TEX15: variants seen among roughly 807,000 people sequenced by gnomAD.
TEX15 encodes testis-expressed protein 15.
TEX15 carries 171 observed loss-of-function variants against 237.3 expected under a neutral mutation model. That is an observed-to-expected ratio of 0.72 (90% CI 0.64 to 0.82). The LOEUF (loss-of-function observed/expected upper bound fraction) is 0.82. Ranked by LOEUF, TEX15 falls within the 40% of genes least tolerant of loss-of-function variation. The pLI is 0.00. For missense variants in TEX15, 3,750 were observed against 3,646.5 expected, an observed-to-expected ratio of 1.03 and a Z score of -0.73; for synonymous variants, 1,338 against 1,269.8, an observed-to-expected ratio of 1.05 and a Z score of -1.14.
intron 4 of TEX15, among the ~76,000 whole-genome samples, chr8:30,874,607 T>C (rs534165558): frequency 1.3e-5 from 2 of 152,286 alleles, no homozygotes; most frequent in Admixed American, 1.3e-4. Flanking sequence ...TTTTGATTAC[T>C]TCGACTGCAG....
intron 1 of TEX15, among the ~76,000 whole-genome samples, chr8:30,905,992 TGTGCCTCA>T (rs1445988587): frequency 1.3e-5 from 2 of 152,116 alleles, no homozygotes; most frequent in Non-Finnish European, 1.5e-5. Context: ...CCTATACTTT[TGTGCCTCA>T]GTTTCTTCAT....
At chr8:30,855,031 C>CT (rs1263946015) in intron 7 of TEX15, among the ~76,000 whole-genome samples, 1 of 152,140 alleles carries the variant, frequency 6.6e-6, no homozygotes, top group Non-Finnish European at 1.5e-5. Context: ...TGGTAAAAGA[C>CT]TGGATGCCTT....
In TEX15 at chr8:30,848,948, A is replaced by G; in HGVS notation, c.1219T>C (p.Leu407=). ...LLNWTSLKNI[L]SGLNASFPLH... The stretch of plus-strand genomic sequence containing the variant: ...GGAAAAGAAGCATTAAGACCACTTA[A>G]AATATTTTTAAGACTTGTCCAATTT... Residue 407 remains leucine (L), a synonymous_variant, in exon 8 of 11, where the codon TTA becomes CTA. Coordinates refer to ENST00000643185, the MANE Select transcript of TEX15 (RefSeq NM_001350162.2). 3 of 1,614,174 alleles carry G rather than the reference A, an allele frequency of 1.9e-6. No individual in the cohort carries two copies. Among genetic ancestry groups the G allele is most frequent in the Non-Finnish European group, 2.5e-6 (3 of 1,180,026 alleles).
rs113313825 is a variant in TEX15, at chr8:30,864,285, T to TA, written c.540+2979dup. On this transcript the variant is annotated intron_variant, in intron 5 of 10. Coordinates refer to ENST00000643185, the MANE Select transcript of TEX15 (RefSeq NM_001350162.2). ...GCTGAGGAACAGAGAGAAAAAAGAC[T>TA]AAAAAAAAAAAAAAAGTGAACAGAC... Among the ~76,000 whole-genome samples the TA allele has an allele frequency of 5.8e-3, 710 of 121,996 alleles. 2 individuals are homozygous for TA. Among genetic ancestry groups the TA allele is most frequent in the Middle Eastern group, 0.017 (4 of 234 alleles). The allele number at this position is 121,996 out of a possible 152,430, so 80.0% of individuals were successfully genotyped here.
chr8:30,902,141 A>G (rs767487008), intron 1 of TEX15, among the ~76,000 whole-genome samples: 38 of 152,024 alleles, frequency 2.5e-4, no homozygotes, highest in Non-Finnish European at 3.8e-4. Context: ...CTGATGTAAG[A>G]TAAGTTTGAG....
At position 30,847,178 on chromosome 8, in the gene TEX15, G is replaced by A. The variant is rs1807638758; in HGVS notation, c.2989C>T (p.Leu997=). The change falls in exon 8 of 11, where the codon CTA becomes TTA. Residue 997 remains leucine (L), a synonymous_variant. Coordinates refer to ENST00000643185, the MANE Select transcript of TEX15 (RefSeq NM_001350162.2). ...TATATCTGGTGATCGTCATTATTTAGGCTTAATGCAGGCATAGTAGCACTA... is the reference window on the plus strand; with the variant it reads ...TATATCTGGTGATCGTCATTATTTAAGCTTAATGCAGGCATAGTAGCACTA... ...IASATMPALS[L]NNDDHQIYQF... is the part of the protein sequence containing the mutation. The A allele has an allele frequency of 6.2e-7, 1 of 1,613,788 alleles. No individual in the cohort carries two copies. The highest frequency in any genetic ancestry group is 1.1e-5 in the South Asian group (1 of 91,078).
At chr8:30,899,421 C>T (rs1189543793) in intron 1 of TEX15, among the ~76,000 whole-genome samples, 1 of 152,140 alleles carries the variant, frequency 6.6e-6, no homozygotes, top group Admixed American at 6.5e-5. Context: ...ATCTAAACCA[C>T]TACACTATTC....
chr8:30,911,944 C>A (rs1246597393), intron 1 of TEX15, among the ~76,000 whole-genome samples: 2 of 152,214 alleles, frequency 1.3e-5, no homozygotes, highest in African/African-American at 2.4e-5. Context: ...GGTTTCACTC[C>A]CTTCACTGAG....
At chr8:30,870,276 CTT>C (rs1355666915) in intron 4 of TEX15, among the ~76,000 whole-genome samples, 1 of 151,994 alleles carries the variant, frequency 6.6e-6, no homozygotes, top group Non-Finnish European at 1.5e-5. Context: ...AGACCAGGAA[CTT>C]TTAATTTACT....
At chr8:30,906,633 T>C (rs1809108262) in intron 1 of TEX15, among the ~76,000 whole-genome samples, 1 of 151,422 alleles carries the variant, frequency 6.6e-6, no homozygotes, top group Non-Finnish European at 1.5e-5. Flanking sequence ...CAAGCATATA[T>C]TAAAGTGCTT....
At chr8:30,849,402 T>A in intron 7 of TEX15, 86 bp from the exon 8 acceptor site, 1 of 747,194 alleles carries the variant, frequency 1.3e-6, no homozygotes, top group Non-Finnish European at 2.1e-6. Flanking sequence ...CCAGTAATTT[T>A]AATTGAAAGT....
chr8:30,861,967 A>G (rs1033743095), intron 5 of TEX15, among the ~76,000 whole-genome samples: 14 of 152,280 alleles, frequency 9.2e-5, no homozygotes, highest in African/African-American at 3.4e-4. Flanking sequence ...TAAACCACAC[A>G]TTAGACTGGC....
At chr8:30,893,670 A>C (rs757197786) in intron 2 of TEX15, among the ~76,000 whole-genome samples, 5 of 152,108 alleles carry the variant, frequency 3.3e-5, no homozygotes, top group Admixed American at 6.5e-5. Flanking sequence ...TTCTCTCAGC[A>C]CTCTCAAGAT....
At position 30,879,939 on chromosome 8, in the gene TEX15, A is replaced by T. The variant is rs199977698; in HGVS notation, c.137-4837T>A. 4.4e-3 allele frequency among the ~76,000 whole-genome samples: 452 copies of T among 101,874 alleles called. 1 individual carries two copies. The highest frequency in any genetic ancestry group is 0.034 in the East Asian group (167 of 4,906). The allele number at this position is 101,874 out of a possible 152,430, so 66.8% of individuals were successfully genotyped here. A position where few individuals can be genotyped will look rare whatever the true frequency, so the allele number is the denominator to read the frequency against. The stretch of plus-strand genomic sequence containing the variant: ...TTATTTAGATTTCCTTTTTTTTTTT[A>T]AAAAAAAAAATCAGTATTTTATAGT... On this transcript the variant is annotated intron_variant, in intron 3 of 10. Transcript: ENST00000643185.
intron 7 of TEX15, among the ~76,000 whole-genome samples, chr8:30,851,583 G>A (rs1278968184): frequency 6.6e-6 from 1 of 151,788 alleles, no homozygotes; most frequent in Non-Finnish European, 1.5e-5. Flanking sequence ...AGTGAGCTGA[G>A]ATCACACCAC....
chr8:30,900,022 G>A (rs911145076), intron 1 of TEX15, among the ~76,000 whole-genome samples: 7 of 152,144 alleles, frequency 4.6e-5, no homozygotes, highest in Non-Finnish European at 8.8e-5. Flanking sequence ...AGCAAAATTT[G>A]AGATTTACTC....
intron 4 of TEX15, among the ~76,000 whole-genome samples, chr8:30,874,571 G>C (rs1008854727): frequency 2.0e-5 from 3 of 152,052 alleles, no homozygotes; most frequent in African/African-American, 7.2e-5. Flanking sequence ...CTTAAGGGCT[G>C]GGTTCAAGAG....
rs1369385416 is a variant in TEX15 at position 30,843,616 on chromosome 8, G to T, written c.6551C>A (p.Ser2184Tyr). The change falls in exon 8 of 11, where the codon TCC becomes TAC. Residue 2184 changes from serine (S) to tyrosine (Y), a missense_variant. Ser to Tyr is a moderately radical substitution (Grantham distance 144). Transcript: ENST00000643185. ...NECEAIMEHC[S>Y]DCFDFSLSVP... ...AGAAAGAGAAAAATCAAAGCAATCG[G>T]AACAATGCTCCATTATGGCTTCACA... The T allele has an allele frequency of 6.2e-7, 1 of 1,612,652 alleles. No individual in the cohort carries two copies. The highest frequency in any genetic ancestry group is 1.3e-5 in the African/African-American group (1 of 74,852).
intron 2 of TEX15, among the ~76,000 whole-genome samples, 190 bp downstream of exon 2, chr8:30,898,552 C>T (rs1278199803): frequency 6.6e-6 from 1 of 152,118 alleles, no homozygotes; most frequent in African/African-American, 2.4e-5. Flanking sequence ...TAGATTAAGA[C>T]AGTACCCAAT....
Sources: gnomAD v4.1 joint callset for allele counts (sites outside exome capture counted in the v4.1 genomes callset) on GRCh38, gnomAD v4.1.1 for gene constraint, MANE v1.5 for transcripts, NCBI Gene and HGNC (gene_info 2026-07-23, HGNC 2026-07-21) for gene names.